DNAJC5B: variants seen among roughly 807,000 people sequenced by gnomAD.
The protein encoded by DNAJC5B is DnaJ heat shock protein family (Hsp40) member C5 beta, also known as dnaJ homolog subfamily C member 5B.
In DNAJC5B, 23 loss-of-function variants were observed where a neutral mutation model predicts 24.7. The observed-to-expected ratio is 0.93, with a 90% CI of 0.67 to 1.32. DNAJC5B has a LOEUF of 1.32. Ranked by LOEUF, DNAJC5B falls within the 40% of genes most tolerant of loss-of-function variation. The probability of loss-of-function intolerance (pLI) is 0.00; values close to 1 mark genes in which losing one functional copy is unlikely to be tolerated. For synonymous variants in DNAJC5B, 101 were observed against 90.1 expected, an observed-to-expected ratio of 1.12 and a Z score of -0.68; for missense variants, 238 against 240.8, an observed-to-expected ratio of 0.99 and a Z score of 0.08.
chr8:66,068,619 T>A (rs1252879601), intron 3 of DNAJC5B, among the ~76,000 whole-genome samples: 1 of 151,906 alleles, frequency 6.6e-6, no homozygotes, highest in Non-Finnish European at 1.5e-5. Context: ...ATTTATTAAG[T>A]TAGATATAAG....
upstream of DNAJC5B, among the ~76,000 whole-genome samples, chr8:66,017,673 G>T (rs549269150): frequency 6.6e-6 from 1 of 152,154 alleles, no homozygotes; most frequent in Non-Finnish European, 1.5e-5. Flanking sequence ...TTTAGCTCTC[G>T]TAACTGTTGT....
chr8:66,017,775 T>C (rs936042155), upstream of DNAJC5B, among the ~76,000 whole-genome samples: 3 of 152,212 alleles, frequency 2.0e-5, no homozygotes, highest in Non-Finnish European at 4.4e-5. Flanking sequence ...TCATTAAGAT[T>C]CCCATATTTT....
intron 5 of DNAJC5B, among the ~76,000 whole-genome samples, chr8:66,086,293 G>T (rs962466513): frequency 6.6e-6 from 1 of 151,882 alleles, no homozygotes; most frequent in East Asian, 1.9e-4. Context: ...TTCTTGCCTT[G>T]TTGCACTGTC....
chr8:66,062,516 T>C (rs979469141), intron 3 of DNAJC5B, among the ~76,000 whole-genome samples: 18 of 152,242 alleles, frequency 1.2e-4, no homozygotes, highest in Admixed American at 6.5e-4. Flanking sequence ...CACCAATACA[T>C]ACATTTTTGA....
chr8:66,081,970 A>ACTAATACAACTAACT, intron 5 of DNAJC5B, among the ~76,000 whole-genome samples: 1 of 152,190 alleles, frequency 6.6e-6, no homozygotes, highest in African/African-American at 2.4e-5. Context: ...CAGGATTACA[A>ACTAATACAACTAACT]GTAAATGGGT....
chr8:66,081,179 C>A (rs1191020116), intron 5 of DNAJC5B, among the ~76,000 whole-genome samples: 1 of 152,090 alleles, frequency 6.6e-6, no homozygotes, highest in Non-Finnish European at 1.5e-5. Flanking sequence ...TCTTCAAGTT[C>A]ATGCTATCCA....
At position 66,100,759 on chromosome 8, in the gene DNAJC5B, AT is replaced by A. The variant is rs1808057500; in HGVS notation, c.*733del. On this transcript the variant is annotated 3_prime_UTR_variant, in exon 6 of 6. Coordinates refer to ENST00000276570, the MANE Select transcript of DNAJC5B (RefSeq NM_033105.6). ...ATGTTGATCATTTTCTAGTAAAATA[AT>A]TTTTGTATAACTGGCTCAGATTAGC... Among the ~76,000 whole-genome samples the A allele has an allele frequency of 6.6e-6, 1 of 152,170 alleles. No homozygotes were observed. Among genetic ancestry groups the A allele is most frequent in the African/African-American group, 2.4e-5 (1 of 41,430 alleles).
chr8:66,060,665 C>T (rs1586090084), intron 3 of DNAJC5B, among the ~76,000 whole-genome samples: 3 of 152,274 alleles, frequency 2.0e-5, no homozygotes, highest in Admixed American at 2.0e-4. Context: ...AAAGGACCTT[C>T]ACTCCAAAGT....
At chr8:66,029,851 G>C (rs1806323110) in intron 1 of DNAJC5B, among the ~76,000 whole-genome samples, 1 of 152,062 alleles carries the variant, frequency 6.6e-6, no homozygotes, top group Non-Finnish European at 1.5e-5. Context: ...CCTTCTCAGA[G>C]CTGAAACTTT....
chr8:66,099,155 A>T (rs1199334583), intron 5 of DNAJC5B, among the ~76,000 whole-genome samples: 1 of 152,082 alleles, frequency 6.6e-6, no homozygotes, highest in East Asian at 1.9e-4. Flanking sequence ...GTTGAAGGTG[A>T]GGTCATTCAC....
chr8:66,069,517 C>T (rs545709040), intron 3 of DNAJC5B, among the ~76,000 whole-genome samples: 28 of 152,172 alleles, frequency 1.8e-4, no homozygotes, highest in Non-Finnish European at 3.5e-4. Flanking sequence ...AGGAAGAAGT[C>T]GAATCCCTGA....
chr8:66,040,562 C>T (rs1036863886), intron 1 of DNAJC5B, among the ~76,000 whole-genome samples: 4 of 152,114 alleles, frequency 2.6e-5, no homozygotes, highest in African/African-American at 4.8e-5. Context: ...AGTTGCTGGT[C>T]GGCAGGTGTT....
intron 5 of DNAJC5B, among the ~76,000 whole-genome samples, chr8:66,099,629 A>G (rs772215214): frequency 4.6e-5 from 7 of 152,194 alleles, no homozygotes; most frequent in Non-Finnish European, 1.0e-4. Context: ...ACTGTATATG[A>G]TGGTTCTGTC....
At chr8:66,077,698 T>C (rs1241566533) in intron 4 of DNAJC5B, among the ~76,000 whole-genome samples, 3 of 152,238 alleles carry the variant, frequency 2.0e-5, no homozygotes, top group Non-Finnish European at 4.4e-5. Flanking sequence ...AAGGCAGGTT[T>C]ACTAGTAGTA....
chr8:66,045,181 T>C (rs1306903580), intron 2 of DNAJC5B, among the ~76,000 whole-genome samples: 2 of 152,246 alleles, frequency 1.3e-5, no homozygotes, highest in Non-Finnish European at 2.9e-5. Context: ...GGTTCCTTCA[T>C]GTTTCAGTGT....
intron 3 of DNAJC5B, among the ~76,000 whole-genome samples, chr8:66,059,678 C>T (rs878908708): frequency 3.3e-5 from 5 of 152,186 alleles, no homozygotes; most frequent in South Asian, 2.1e-4. Context: ...GTCTCCTCTG[C>T]GGAAGTCTCC....
At chr8:66,078,159 C>A (rs1807512594) in intron 4 of DNAJC5B, among the ~76,000 whole-genome samples, 1 of 152,168 alleles carries the variant, frequency 6.6e-6, no homozygotes, top group South Asian at 2.1e-4. Flanking sequence ...TGAGAATAAA[C>A]TTCCTTGCTT....
Position 66,100,142 on chromosome 8 carries a change from GT to G in DNAJC5B, c.*115del. The stretch of plus-strand genomic sequence containing the variant: ...GTGCTGTGAACTTTTCCATCTTGTT[GT>G]TTTATTTTTGGGTTAGGAAAACATG... On this transcript the variant is annotated 3_prime_UTR_variant, in exon 6 of 6. Coordinates refer to ENST00000276570, the MANE Select transcript of DNAJC5B (RefSeq NM_033105.6). 1 of 916,728 alleles carries G rather than the reference GT, an allele frequency of 1.1e-6. No homozygotes were observed. The highest frequency in any genetic ancestry group is 1.6e-6 in the Non-Finnish European group (1 of 629,160). The allele number at this position is 916,728 out of a possible 1,614,324, so 56.8% of individuals were successfully genotyped here.
At chr8:66,068,346 A>T (rs552196270) in intron 3 of DNAJC5B, among the ~76,000 whole-genome samples, 1 of 152,230 alleles carries the variant, frequency 6.6e-6, no homozygotes, top group East Asian at 1.9e-4. Flanking sequence ...CCTGAAAATT[A>T]TGGAAAGGGA....
Sources: gnomAD v4.1 joint callset for allele counts (sites outside exome capture counted in the v4.1 genomes callset) on GRCh38, gnomAD v4.1.1 for gene constraint, MANE v1.5 for transcripts, NCBI Gene and HGNC (gene_info 2026-07-23, HGNC 2026-07-21) for gene names.